The following KDM2A variants were observed in gnomAD, a reference collection of about 807,000 sequenced individuals.
The protein encoded by KDM2A is lysine-specific demethylase 2A.
In KDM2A, 3 loss-of-function variants were observed where a neutral mutation model predicts 137.3. That is an observed-to-expected ratio of 0.02 (90% CI 0.01 to 0.06). The LOEUF is 0.06. Ranked by LOEUF, KDM2A falls within the 10% of genes least tolerant of loss-of-function variation. The pLI is 1.00. For synonymous variants in KDM2A, 512 were observed against 541.5 expected (o/e 0.95, Z 0.76); for missense variants, 738 against 1,510.6 (o/e 0.49, Z 8.48).
intron 5 of KDM2A, among the ~76,000 whole-genome samples, chr11:67,183,183 T>C (rs1590756433): frequency 1.3e-5 from 2 of 152,214 alleles, no homozygotes; most frequent in East Asian, 3.8e-4. Flanking sequence ...CCCTGGAATA[T>C]AGTAGGTGCT....
chr11:67,184,435 C>G (rs957496263), intron 5 of KDM2A, among the ~76,000 whole-genome samples: 12 of 152,128 alleles, frequency 7.9e-5, no homozygotes, highest in African/African-American at 2.4e-4. Context: ...CGAGACCAGC[C>G]TGACCAACAT....
At chr11:67,202,990 G>A (rs919547840) in intron 5 of KDM2A, among the ~76,000 whole-genome samples, 4 of 146,674 alleles carry the variant, frequency 2.7e-5, no homozygotes, top group African/African-American at 7.8e-5. Context: ...GCAAGACCCT[G>A]TCCGTCCGCC....
intron 10 of KDM2A, among the ~76,000 whole-genome samples, chr11:67,222,095 T>C (rs2136406946): frequency 7.2e-6 from 1 of 139,146 alleles, no homozygotes; most frequent in East Asian, 2.0e-4. Context: ...ATTTTTTTAT[T>C]GATAATTCTT....
intron 2 of KDM2A, among the ~76,000 whole-genome samples, chr11:67,127,291 A>G (rs922022589): frequency 9.2e-5 from 14 of 151,960 alleles, no homozygotes; most frequent in African/African-American, 2.4e-4. Context: ...AAGGCAGGCT[A>G]TCCCTGTTCG....
At chr11:67,240,495 G>C (rs1858999570) in intron 12 of KDM2A, 1 of 772,516 alleles carries the variant, frequency 1.3e-6, no homozygotes, top group African/African-American at 1.8e-5. Context: ...ATGTTACTTC[G>C]TGTTGCTTGA....
intron 5 of KDM2A, among the ~76,000 whole-genome samples, chr11:67,188,411 G>A (rs1448181025): frequency 1.3e-5 from 2 of 151,508 alleles, no homozygotes; most frequent in East Asian, 3.9e-4. Flanking sequence ...GAACCCGGGA[G>A]GTAGAGCTTG....
intron 2 of KDM2A, among the ~76,000 whole-genome samples, chr11:67,178,203 C>T (rs1342345346): frequency 2.0e-5 from 3 of 151,974 alleles, no homozygotes; most frequent in East Asian, 1.9e-4. Flanking sequence ...CACAGGAGTT[C>T]GAGACCAGCC....
intron 2 of KDM2A, among the ~76,000 whole-genome samples, chr11:67,169,867 C>G (rs1856840504): frequency 6.7e-6 from 1 of 149,586 alleles, no homozygotes. Flanking sequence ...AAGTGAGTCT[C>G]CTGCCTCAGC....
At position 67,255,570 on chromosome 11, in the gene KDM2A, G is replaced by C. The variant is rs546704728; in HGVS notation, c.*515G>C. On this transcript the variant is annotated 3_prime_UTR_variant, in exon 21 of 21. Coordinates refer to ENST00000529006, the MANE Select transcript of KDM2A (RefSeq NM_012308.3). The stretch of plus-strand genomic sequence containing the variant: ...CAGCAGCCCCAGGAGTCCCAGACCC[G>C]TGCCGATCACACTGGTGCTGTTGAG... The C allele has an allele frequency of 6.6e-6, 3 of 456,634 alleles. No individual in the cohort carries two copies. The highest frequency in any genetic ancestry group is 4.7e-5 in the Admixed American group (2 of 42,566). 28.3% of individuals were successfully genotyped at this position (456,634 alleles called of 1,614,324 possible). A position where few individuals can be genotyped will look rare whatever the true frequency, so the allele number is the denominator to read the frequency against.
intron 2 of KDM2A, among the ~76,000 whole-genome samples, chr11:67,153,148 C>G (rs1476255707): frequency 6.6e-6 from 1 of 152,122 alleles, no homozygotes; most frequent in Non-Finnish European, 1.5e-5. Flanking sequence ...CCACGCCCAG[C>G]TAATTTTTGT....
chr11:67,172,451 C>A (rs1257444999), intron 2 of KDM2A, among the ~76,000 whole-genome samples: 1 of 152,104 alleles, frequency 6.6e-6, no homozygotes, highest in Non-Finnish European at 1.5e-5. Flanking sequence ...TAATTTCCTT[C>A]AACAATGCTT....
At chr11:67,207,730 A>G in intron 6 of KDM2A, 42 bp downstream of exon 6, 1 of 1,486,190 alleles carries the variant, frequency 6.7e-7, no homozygotes, top group Non-Finnish European at 9.1e-7. Context: ...TGTCACCAAA[A>G]GGGTTGTTTT....
In KDM2A at chr11:67,254,459, C is replaced by A. The variant is rs3892143; in HGVS notation, c.3307+41C>A. The A allele has an allele frequency of 0.017, 26,406 of 1,535,478 alleles. 370 individuals are homozygous for A. Among genetic ancestry groups the A allele is most frequent in the African/African-American group, 0.066 (4,836 of 73,518 alleles). On this transcript the variant is annotated intron_variant, in intron 20 of 20. Transcript: ENST00000529006. This position sits in a 1 kb window ranked among gnomAD's most constrained non-coding sequence, Gnocchi z 4.7. ...TGTTCATAATCAGCGGTGCCCCCTG[C>A]CTCCAGCCCTCCCTGGAACTTGATC... is the stretch of plus-strand genomic sequence containing the variant.
intron 2 of KDM2A, among the ~76,000 whole-genome samples, chr11:67,147,817 ACAGGCGCCTGCCACCACACC>A (rs1190297887): frequency 6.6e-6 from 1 of 151,504 alleles, no homozygotes; most frequent in Non-Finnish European, 1.5e-5. Context: ...AGCTGCGATT[ACAGGCGCCTGCCACCACACC>A]CAGCTAATTT....
At chr11:67,178,813 T>G (rs568276690) in intron 2 of KDM2A, among the ~76,000 whole-genome samples, 1 of 152,344 alleles carries the variant, frequency 6.6e-6, no homozygotes, top group East Asian at 1.9e-4. Flanking sequence ...TTTGGGTGGT[T>G]TCTATCTTTT....
rs1276423885 is a variant in KDM2A at position 67,203,428 on chromosome 11, T to G, written c.308-4082T>G. 2.0e-4 allele frequency among the ~76,000 whole-genome samples: 8 copies of G among 39,554 alleles called. No homozygotes were observed. The East Asian group carries it at 5.9e-3, about 29-fold the overall frequency. 25.9% of individuals were successfully genotyped at this position (39,554 alleles called of 152,430 possible). A position where few individuals can be genotyped will look rare whatever the true frequency, so the allele number is the denominator to read the frequency against. ...AAATAGTCTAGTAATAAATAGTCTA[T>G]AATAAATAATATATTAATATAATTA... On this transcript the variant is annotated intron_variant, in intron 5 of 20. Transcript: ENST00000529006.
intron 13 of KDM2A, among the ~76,000 whole-genome samples, chr11:67,244,487 G>A (rs933361441): frequency 5.3e-5 from 8 of 152,066 alleles, no homozygotes; most frequent in Non-Finnish European, 1.0e-4. Context: ...GAGTGACTTC[G>A]GTACATGGCA....
chr11:67,202,212 T>C (rs570358228), intron 5 of KDM2A, among the ~76,000 whole-genome samples: 4 of 152,292 alleles, frequency 2.6e-5, no homozygotes, highest in Non-Finnish European at 5.9e-5. Context: ...TTGCTTCTTA[T>C]GGATGAGCAA....
In KDM2A at chr11:67,241,482, A is replaced by G. The variant is rs141395693; in HGVS notation, c.1480-1527A>G. Among the ~76,000 whole-genome samples the G allele has an allele frequency of 2.4e-4, 36 of 152,124 alleles. No homozygotes were observed. The East Asian group carries it at 6.6e-3, about 28-fold the overall frequency. ...CTTTGGGATTTGGAGCAGGATCCTTAGGTTAAGAATGAAAATACATAAAAG... is the reference window on the plus strand; with the variant it reads ...CTTTGGGATTTGGAGCAGGATCCTTGGGTTAAGAATGAAAATACATAAAAG... On this transcript the variant is annotated intron_variant, in intron 12 of 20. Transcript: ENST00000529006.
Sources: allele counts gnomAD v4.1 joint callset (sites outside exome capture counted in the v4.1 genomes callset), GRCh38; gene constraint gnomAD v4.1.1; non-coding constraint Gnocchi (gnomAD v3.1); transcripts MANE v1.5; gene names NCBI Gene and HGNC (gene_info 2026-07-23, HGNC 2026-07-21).